Variants in RNF150 observed in about 807,000 individuals in gnomAD.
The protein encoded by RNF150 is ring finger protein 150.
Under a neutral mutation model 39.3 loss-of-function variants are expected in RNF150, and 24 were observed. That is an observed-to-expected ratio of 0.61 (90% CI 0.44 to 0.86). RNF150 has a LOEUF of 0.86. Among genes scored for constraint, RNF150 ranks in the 40% least tolerant of loss-of-function variants. The pLI, the probability that RNF150 is intolerant of heterozygous loss-of-function variation, is 0.00. For missense variants in RNF150, 502 were observed against 587.8 expected, an observed-to-expected ratio of 0.85 and a Z score of 1.51; for synonymous variants, 255 against 227.3, an observed-to-expected ratio of 1.12 and a Z score of -1.10.
rs373993352 is a variant in RNF150 at position 140,967,686 on chromosome 4, G to A, written c.672C>T (p.Leu224=). Residue 224 remains leucine (L), a synonymous_variant, in exon 2 of 7, where the codon CTC becomes CTT. Coordinates refer to ENST00000515673, the MANE Select transcript of RNF150 (RefSeq NM_020724.2). ...GGATGTAATAAAAGACGAGCCATGC[G>A]AGGGAAATGATCATCAGGACAATGA... ...ISFIVLMIIS[L]AWLVFYYIQR... 1.5e-5 allele frequency: 24 copies of A among 1,613,280 alleles called. No individual in the cohort carries two copies. Among genetic ancestry groups the A allele is most frequent in the South Asian group, 3.3e-5 (3 of 91,048 alleles).
Position 140,967,756 on chromosome 4 carries a change from T to G in RNF150, c.602A>C (p.Gln201Pro). The change falls in exon 2 of 7, where the codon CAG (glutamine) becomes CCG (proline). Residue 201 changes from glutamine to proline, a missense_variant. Physicochemically the swap from Gln to Pro is moderately conservative, Grantham distance 76 (BLOSUM62 -1). Transcript: ENST00000515673. ...MYITIGTRNL[Q>P]KYVSRTSVVF... ...AACCGAAGTGCGGCTCACATATTTC[T>G]GCAAGTTCCGGGTTCCGATGGTGAT... is the stretch of plus-strand genomic sequence containing the variant. 6.2e-7 allele frequency: 1 copy of G among 1,613,598 alleles called. No individual in the cohort carries two copies. The highest frequency in any genetic ancestry group is 8.5e-7 in the Non-Finnish European group (1 of 1,179,644).
chr4:140,956,805 A>G (rs966803658), intron 2 of RNF150, among the ~76,000 whole-genome samples: 1 of 152,174 alleles, frequency 6.6e-6, no homozygotes, highest in African/African-American at 2.4e-5. Context: ...GCAATGGGGA[A>G]AGGATTCCCT....
chr4:141,192,970 C>A (rs937981090), intron 1 of RNF150, among the ~76,000 whole-genome samples: 21 of 152,184 alleles, frequency 1.4e-4, no homozygotes, highest in Non-Finnish European at 2.2e-4. Flanking sequence ...CAGGTTCTTC[C>A]AAAAAATTCA....
At chr4:141,021,341 G>A (rs374487630) in intron 1 of RNF150, among the ~76,000 whole-genome samples, 17 of 152,170 alleles carry the variant, frequency 1.1e-4, no homozygotes, top group African/African-American at 3.9e-4. Context: ...GTAGAGTTGA[G>A]TTTGGTCAAG....
In RNF150 at chr4:140,927,077, T is replaced by C. The variant is rs527434277; in HGVS notation, c.891-1004A>G. ...AATAGTTCCAAAAACCTCATTTGCCTTGTGTTAGAGGGTGCTGGGCTCAAA... is the reference window on the plus strand; with the variant it reads ...AATAGTTCCAAAAACCTCATTTGCCCTGTGTTAGAGGGTGCTGGGCTCAAA... On this transcript the variant is annotated intron_variant, in intron 4 of 6. Coordinates refer to ENST00000515673, the MANE Select transcript of RNF150 (RefSeq NM_020724.2). 2.0e-5 allele frequency among the ~76,000 whole-genome samples: 3 copies of C among 152,286 alleles called. No individual in the cohort carries two copies. In the East Asian group the frequency reaches 5.8e-4, roughly 29 times the overall value.
At chr4:141,145,672 T>A (rs4956348) in intron 1 of RNF150, among the ~76,000 whole-genome samples, 48,437 of 152,036 alleles carry the variant, frequency 0.32, 8,540 homozygotes, top group East Asian at 0.8. Context: ...TGAAATGAGG[T>A]GCCATGAAAA....
intron 1 of RNF150, among the ~76,000 whole-genome samples, chr4:141,141,708 C>T (rs1484718398): frequency 6.6e-6 from 1 of 152,078 alleles, no homozygotes; most frequent in Non-Finnish European, 1.5e-5. Context: ...GACTGAGGCA[C>T]CAGAATTGCT....
chr4:140,999,339 T>C (rs1734491752), intron 1 of RNF150, among the ~76,000 whole-genome samples: 1 of 152,194 alleles, frequency 6.6e-6, no homozygotes, highest in Admixed American at 6.5e-5. Flanking sequence ...CCTATGAATA[T>C]TCTTGTTTTT....
rs867148602 is a variant in RNF150, at chr4:141,132,794, G to A, written c.15C>T (p.Leu5=). The change falls in exon 1 of 7, where the codon CTC becomes CTT. Residue 5 remains leucine (L), a synonymous_variant. Transcript: ENST00000515673. The surrounding 1 kb of genome is among the most constrained non-coding windows in gnomAD (Gnocchi z 4.9). The part of the protein sequence containing the change: MAMS[L]IQACCSLALS... ...GAGCCAGACTGCAGCACGCTTGGATGAGAGACATTGCCATCTTTATCCGCC... is the reference window on the plus strand; with the variant it reads ...GAGCCAGACTGCAGCACGCTTGGATAAGAGACATTGCCATCTTTATCCGCC... The A allele has an allele frequency of 1.2e-6, 2 of 1,609,914 alleles. No homozygotes were observed. Among genetic ancestry groups the A allele is most frequent in the Middle Eastern group, 3.3e-4 (2 of 6,050 alleles).
intron 1 of RNF150, among the ~76,000 whole-genome samples, chr4:141,183,012 A>T (rs1449932612): frequency 3.3e-5 from 5 of 152,198 alleles, no homozygotes; most frequent in Non-Finnish European, 7.3e-5. Flanking sequence ...GGGCTTCTCA[A>T]GCACTTAGAC....
chr4:140,870,456 ATGTGTGTGTG>A (rs36234235), intron 6 of RNF150, among the ~76,000 whole-genome samples: 39,695 of 147,696 alleles, frequency 0.27, 5,265 homozygotes, highest in Middle Eastern at 0.35. Context: ...TTGTGCGTGT[ATGTGTGTGTG>A]TGTGTGTGTG....
At chr4:141,023,224 A>AGATGATGATGAT (rs34239783) in intron 1 of RNF150, among the ~76,000 whole-genome samples, 2 of 150,492 alleles carry the variant, frequency 1.3e-5, no homozygotes, top group African/African-American at 4.9e-5. Flanking sequence ...GAAACTGGTG[A>AGATGATGATGAT]GATGATGATG....
At chr4:140,980,152 C>A (rs971574291) in intron 1 of RNF150, among the ~76,000 whole-genome samples, 1 of 152,070 alleles carries the variant, frequency 6.6e-6, no homozygotes, top group Non-Finnish European at 1.5e-5. Context: ...AAGTGATTCT[C>A]CTGTCTTAGC....
At chr4:140,903,469 G>A (rs1417773648) in intron 6 of RNF150, among the ~76,000 whole-genome samples, 3 of 152,056 alleles carry the variant, frequency 2.0e-5, no homozygotes, top group Non-Finnish European at 4.4e-5. Context: ...AAACACAAAT[G>A]TTATCTTATT....
chr4:141,061,628 T>C (rs1254772766), intron 1 of RNF150, among the ~76,000 whole-genome samples: 1 of 152,154 alleles, frequency 6.6e-6, no homozygotes, highest in Non-Finnish European at 1.5e-5. Context: ...CAGAGAAAAT[T>C]AGTTACAAGC....
intron 1 of RNF150, among the ~76,000 whole-genome samples, chr4:141,041,383 A>G (rs1490837351): frequency 6.6e-6 from 1 of 152,158 alleles, no homozygotes; most frequent in Admixed American, 6.6e-5. Context: ...ACAAAAGGGG[A>G]AGAGAATGCC....
chr4:141,088,722 A>G (rs1033819087), intron 1 of RNF150, among the ~76,000 whole-genome samples: 1 of 151,106 alleles, frequency 6.6e-6, no homozygotes, highest in Non-Finnish European at 1.5e-5. Context: ...AAAAGAGAGT[A>G]GAGGAAGAGA....
At chr4:141,037,330 T>G (rs1736184292) in intron 1 of RNF150, among the ~76,000 whole-genome samples, 1 of 152,234 alleles carries the variant, frequency 6.6e-6, no homozygotes, top group African/African-American at 2.4e-5. Context: ...CTTCGTAATT[T>G]ATAAGGACTT....
At chr4:141,063,284 G>T (rs11931760) in intron 1 of RNF150, among the ~76,000 whole-genome samples, 1,756 of 152,264 alleles carry the variant, frequency 0.012, 41 homozygotes, top group African/African-American at 0.041. Context: ...TTATCTCAAT[G>T]ATATAAATAA....
Sources: allele counts gnomAD v4.1 joint callset (sites outside exome capture counted in the v4.1 genomes callset), GRCh38; gene constraint gnomAD v4.1.1; non-coding constraint Gnocchi (gnomAD v3.1); transcripts MANE v1.5; gene names NCBI Gene and HGNC (gene_info 2026-07-23, HGNC 2026-07-21).